Variants in AURKA observed in about 807,000 individuals in gnomAD.
AURKA encodes aurora kinase A, also known as aurora 2.
A neutral mutation model predicts 40.9 loss-of-function variants in AURKA; 12 were observed. The ratio of observed to expected loss-of-function variants is 0.29; its 90% confidence interval spans 0.19 to 0.48. The LOEUF (loss-of-function observed/expected upper bound fraction) is 0.48, where lower values mean the gene tolerates loss of function less well. Ranked by LOEUF, AURKA falls within the 20% of genes least tolerant of loss-of-function variation. The pLI is 0.99. For missense variants in AURKA, 322 were observed against 462.1 expected (o/e 0.70, Z 2.78); for synonymous variants, 170 against 164.3 (o/e 1.03, Z -0.26).
rs1983915355 is a variant in AURKA, at chr20:56,370,147, C to T, written c.*11G>A. On this transcript the variant is annotated 3_prime_UTR_variant, in exon 9 of 9. Coordinates refer to ENST00000395915, the MANE Select transcript of AURKA (RefSeq NM_198437.3). Reference sequence around the variant, plus strand: ...AGCCCTGGCTCAAGGATTTCTCCCCCTGCACGATTCCTAAGACTGTTTGCT... The same window carrying T: ...AGCCCTGGCTCAAGGATTTCTCCCCTTGCACGATTCCTAAGACTGTTTGCT... 1.2e-6 allele frequency: 2 copies of T among 1,612,124 alleles called. No individual in the cohort carries two copies. Among genetic ancestry groups the T allele is most frequent in the South Asian group, 2.2e-5 (2 of 91,000 alleles).
chr20:56,384,656 C>A (rs1341801313), intron 3 of AURKA, among the ~76,000 whole-genome samples: 5 of 152,092 alleles, frequency 3.3e-5, no homozygotes. Flanking sequence ...CCAATCTTCC[C>A]ATGCATGACG....
chr20:56,389,471 A>T (rs1986782819), intron 1 of AURKA, among the ~76,000 whole-genome samples: 1 of 152,142 alleles, frequency 6.6e-6, no homozygotes, highest in Non-Finnish European at 1.5e-5. Context: ...CCCTGAGCTC[A>T]GGCCTAGAAT....
In AURKA at chr20:56,383,180, G is replaced by T. The variant is rs1178172241; in HGVS notation, c.375-4C>A. ...GTCTTCCAAAGCCCACTGCCTCCTAGGAGGAATTTGAACACTTTAGAATGT... is the reference window on the plus strand; with the variant it reads ...GTCTTCCAAAGCCCACTGCCTCCTATGAGGAATTTGAACACTTTAGAATGT... On this transcript the variant is annotated splice_region_variant and splice_polypyrimidine_tract_variant and intron_variant, in intron 4 of 8. Coordinates refer to ENST00000395915, the MANE Select transcript of AURKA (RefSeq NM_198437.3). 6.2e-7 allele frequency: 1 copy of T among 1,613,982 alleles called. No individual in the cohort carries two copies. Among genetic ancestry groups the T allele is most frequent in the Non-Finnish European group, 8.5e-7 (1 of 1,179,936 alleles).
intron 7 of AURKA, among the ~76,000 whole-genome samples, 165 bp from the exon 8 acceptor site, chr20:56,370,824 C>T (rs950348697): frequency 7.2e-5 from 11 of 152,136 alleles, no homozygotes; most frequent in East Asian, 5.8e-4. Context: ...ACAGATGAAG[C>T]GAGGTGTGTA....
At position 56,378,137 on chromosome 20, in the gene AURKA, G is replaced by A. The variant is rs777385211; in HGVS notation, c.705+3296C>T. On this transcript the variant is annotated intron_variant, in intron 6 of 8. Coordinates refer to ENST00000395915, the MANE Select transcript of AURKA (RefSeq NM_198437.3). ...CATGCCATTGCACTCCAGTCTGGGC[G>A]ACAGTGAGACCTTGTCTCAAAACAA... 3.9e-5 allele frequency among the ~76,000 whole-genome samples: 6 copies of A among 152,232 alleles called. No homozygotes were observed. The South Asian group carries it at 8.3e-4, about 21-fold the overall frequency.
At chr20:56,388,336 T>C in intron 1 of AURKA, 134 bp from the exon 2 acceptor site, 2 of 830,412 alleles carry the variant, frequency 2.4e-6, no homozygotes, top group African/African-American at 3.4e-5. Flanking sequence ...TTTGTCCAAA[T>C]GAAGCTAATG....
At chr20:56,374,578 A>T (rs1037095690) in intron 6 of AURKA, among the ~76,000 whole-genome samples, 1 of 152,130 alleles carries the variant, frequency 6.6e-6, no homozygotes, top group Non-Finnish European at 1.5e-5. Context: ...TCCTTTTGTT[A>T]ATTTTATTTC....
intron 6 of AURKA, among the ~76,000 whole-genome samples, chr20:56,378,001 A>G (rs933906058): frequency 6.6e-6 from 1 of 152,122 alleles, no homozygotes; most frequent in Admixed American, 6.5e-5. Flanking sequence ...CCTTGTCTCT[A>G]CAAAAAAATA....
At chr20:56,391,701 G>C (rs1235234413) in intron 1 of AURKA, among the ~76,000 whole-genome samples, 7 of 151,958 alleles carry the variant, frequency 4.6e-5, no homozygotes, top group African/African-American at 1.7e-4. Flanking sequence ...GCCTTCTTAG[G>C]CTATTCTATC....
In AURKA at chr20:56,370,191, G is replaced by A. The variant is rs573740861; in HGVS notation, c.1179C>T (p.Cys393=). Residue 393 remains cysteine (C), a synonymous_variant, in exon 9 of 9, where the codon TGC becomes TGT. Transcript: ENST00000395915. Reference sequence around the variant, plus strand: ...GTTTGCTAGCTGATTCTTTGTTTTGGCAATTTGATGGTTTTGATGAATTTG... The same window carrying A: ...GTTTGCTAGCTGATTCTTTGTTTTGACAATTTGATGGTTTTGATGAATTTG... ...ITANSSKPSN[C]QNKESASKQS is the part of the protein sequence containing the mutation. 4.3e-5 allele frequency: 70 copies of A among 1,613,178 alleles called. No homozygotes were observed. The South Asian group carries it at 6.3e-4, about 14-fold the overall frequency.
At position 56,373,365 on chromosome 20, in the gene AURKA, G is replaced by C. The variant is rs1177183917; in HGVS notation, c.854+43C>G. On this transcript the variant is annotated intron_variant, in intron 7 of 8. Transcript: ENST00000395915. The surrounding 1 kb of genome is among the most constrained non-coding windows in gnomAD (Gnocchi z 5.0). ...CATTTAGCTCACGGTTAGCTCCCAGGGCTTTGGTAAACCAAACAACTTCCA... is the reference window on the plus strand; with the variant it reads ...CATTTAGCTCACGGTTAGCTCCCAGCGCTTTGGTAAACCAAACAACTTCCA... The C allele has an allele frequency of 1.9e-6, 3 of 1,612,148 alleles. No homozygotes were observed. The highest frequency in any genetic ancestry group is 2.5e-6 in the Non-Finnish European group (3 of 1,179,850).
At chr20:56,386,934 CA>C (rs11480282) in intron 2 of AURKA, among the ~76,000 whole-genome samples, 51 of 150,158 alleles carry the variant, frequency 3.4e-4, no homozygotes, top group African/African-American at 1.2e-3. Flanking sequence ...AGAAAAAGAC[CA>C]AAAAAAAATA....
chr20:56,381,665 G>A (rs921729053), intron 5 of AURKA, 94 bp from the exon 6 acceptor site: 2 of 1,512,326 alleles, frequency 1.3e-6, no homozygotes, highest in Non-Finnish European at 1.8e-6. Flanking sequence ...AAAACCAGTG[G>A]TGTTTCACAT....
chr20:56,374,016 T>TACACAC (rs11467339), intron 6 of AURKA, among the ~76,000 whole-genome samples: 201 of 147,612 alleles, frequency 1.4e-3, no homozygotes, highest in African/African-American at 3.7e-3. Flanking sequence ...TATAGGAGTC[T>TACACAC]ACACACACAC....
chr20:56,382,193 T>C (rs1985804483), intron 5 of AURKA, among the ~76,000 whole-genome samples: 1 of 149,090 alleles, frequency 6.7e-6, no homozygotes, highest in African/African-American at 2.5e-5. Flanking sequence ...AAAAAGGACA[T>C]GGCATTGCCA....
chr20:56,388,190 C>A lies in AURKA; in HGVS notation c.8G>T (p.Arg3Leu), dbSNP rs745894289. The A allele has an allele frequency of 1.8e-5, 18 of 1,007,444 alleles. No homozygotes were observed. In the Admixed American group the frequency reaches 4.6e-4, roughly 26 times the overall value. The allele number at this position is 1,007,444 out of a possible 1,614,324, so 62.4% of individuals were successfully genotyped here. A position where few individuals can be genotyped will look rare whatever the true frequency, so the allele number is the denominator to read the frequency against. The change falls in exon 2 of 9, where the codon CGA becomes CTA. Residue 3 changes from arginine to leucine, a missense_variant. Physicochemically the swap from Arg to Leu is moderately radical, Grantham distance 102 (BLOSUM62 -2). Coordinates refer to ENST00000395915, the MANE Select transcript of AURKA (RefSeq NM_198437.3). ...TCCTGAAATGCAGTTTTCTTTAGAT[C>A]GGTCCATGATGCCTGAAAAGAAAAA... MDRSKENCISGPV... is the reference protein window; with the variant it reads MDLSKENCISGPV...
chr20:56,384,329 A>C lies in AURKA; in HGVS notation c.320-5T>G. The C allele has an allele frequency of 6.3e-7, 1 of 1,589,936 alleles. No homozygotes were observed. The highest frequency in any genetic ancestry group is 8.6e-7 in the Non-Finnish European group (1 of 1,159,646). On this transcript the variant is annotated splice_region_variant and splice_polypyrimidine_tract_variant and intron_variant, in intron 3 of 8. Transcript: ENST00000395915. The stretch of plus-strand genomic sequence containing the variant: ...GTTCCTCCTCAGGATTATTTTCTAT[A>C]TGGAATAAGTTAAAAACCTGTTTTT...
chr20:56,371,007 T>C (rs536323257), intron 7 of AURKA, among the ~76,000 whole-genome samples: 18 of 152,344 alleles, frequency 1.2e-4, no homozygotes, highest in Non-Finnish European at 2.2e-4. Context: ...ATTACAGATA[T>C]GCTAAGAATC....
At chr20:56,391,577 A>G (rs192981404) in intron 1 of AURKA, among the ~76,000 whole-genome samples, 2 of 152,230 alleles carry the variant, frequency 1.3e-5, no homozygotes, top group East Asian at 3.9e-4. Context: ...AAGCACTGCA[A>G]GTTATCCCGG....
Sources: allele counts gnomAD v4.1 joint callset (sites outside exome capture counted in the v4.1 genomes callset), GRCh38; gene constraint gnomAD v4.1.1; non-coding constraint Gnocchi (gnomAD v3.1); transcripts MANE v1.5; gene names NCBI Gene and HGNC (gene_info 2026-07-23, HGNC 2026-07-21).